The following SLC36A1 variants were observed in gnomAD, a reference collection of about 807,000 sequenced individuals.
The protein encoded by SLC36A1 is solute carrier family 36 member 1, also known as proton-coupled amino acid transporter 1.
Under a neutral mutation model 47.5 loss-of-function variants are expected in SLC36A1, and 30 were observed. The ratio of observed to expected loss-of-function variants is 0.63; its 90% CI spans 0.47 to 0.86. SLC36A1 has a LOEUF of 0.86. Ranked by LOEUF, SLC36A1 falls within the 40% of genes least tolerant of loss-of-function variation. The probability of loss-of-function intolerance (pLI) is 0.00; values close to 1 mark genes in which losing one functional copy is unlikely to be tolerated. For synonymous variants in SLC36A1, 255 were observed against 249.7 expected (o/e 1.02, Z -0.20); for missense variants, 517 against 606.0 (o/e 0.85, Z 1.54).
chr5:151,419,243 A>G, the SLC36A1 span, among the ~76,000 whole-genome samples: 2 of 152,200 alleles, frequency 1.3e-5, no homozygotes, highest in Non-Finnish European at 2.9e-5. Context: ...CCATATTTCG[A>G]TAACACCTTT....
the SLC36A1 span, among the ~76,000 whole-genome samples, chr5:151,358,931 G>A: frequency 7.6e-6 from 1 of 132,052 alleles, no homozygotes; most frequent in East Asian, 2.2e-4. Flanking sequence ...CCGAGATTGC[G>A]CCACTGCAGT....
At chr5:151,429,628 C>A in the SLC36A1 span, among the ~76,000 whole-genome samples, 1 of 151,958 alleles carries the variant, frequency 6.6e-6, no homozygotes, top group Non-Finnish European at 1.5e-5. Flanking sequence ...AAGGTTTGGG[C>A]TCAGGAATGG....
At chr5:151,451,342 C>A (rs776614371) in intron 1 of SLC36A1, among the ~76,000 whole-genome samples, 1 of 152,148 alleles carries the variant, frequency 6.6e-6, no homozygotes, top group Non-Finnish European at 1.5e-5. Context: ...TGTGAGCCAC[C>A]ATGCTTGGCC....
At chr5:151,555,666 G>A in the SLC36A1 span, among the ~76,000 whole-genome samples, 1 of 152,116 alleles carries the variant, frequency 6.6e-6, no homozygotes, top group Non-Finnish European at 1.5e-5. Context: ...CACCGTGCCT[G>A]GCTAATAACA....
At chr5:151,352,551 G>T in the SLC36A1 span, among the ~76,000 whole-genome samples, 1 of 140,516 alleles carries the variant, frequency 7.1e-6, no homozygotes, top group South Asian at 2.1e-4. Flanking sequence ...AGTTCTGAAG[G>T]CCAGAAGCCC....
At chr5:151,484,313 TG>T (rs1759226068) in intron 10 of SLC36A1, among the ~76,000 whole-genome samples, 1 of 152,182 alleles carries the variant, frequency 6.6e-6, no homozygotes, top group Admixed American at 6.5e-5. Context: ...TCAGCATTTG[TG>T]GAGATGCTTG....
At chr5:151,508,032 G>A in the SLC36A1 span, among the ~76,000 whole-genome samples, 11,026 of 152,218 alleles carry the variant, frequency 0.072, 542 homozygotes, top group African/African-American at 0.14. Flanking sequence ...TCACCAGGAG[G>A]TCACAGGAGC....
At chr5:151,362,259 T>C in the SLC36A1 span, among the ~76,000 whole-genome samples, 19 of 152,170 alleles carry the variant, frequency 1.2e-4, no homozygotes, top group Non-Finnish European at 4.4e-5. Flanking sequence ...TTTCTTTTTT[T>C]CCCCCTCTGT....
At chr5:151,507,532 G>T in the SLC36A1 span, 1 of 1,614,094 alleles carries the variant, frequency 6.2e-7, no homozygotes, top group South Asian at 1.1e-5. Flanking sequence ...AGTAACTCCT[G>T]CTGCCCCCAG....
At chr5:151,356,796 G>T in the SLC36A1 span, among the ~76,000 whole-genome samples, 42 of 152,268 alleles carry the variant, frequency 2.8e-4, no homozygotes, top group Non-Finnish European at 5.1e-4. Context: ...ACAACTGGGG[G>T]CAATTTTCTC....
rs936486159 is a variant in SLC36A1 at position 151,479,436 on chromosome 5, A to G, written c.1106A>G (p.His369Arg). 8 of 1,614,236 alleles carry G rather than the reference A, an allele frequency of 5.0e-6. No homozygotes were observed. Among genetic ancestry groups the G allele is most frequent in the Non-Finnish European group, 6.8e-6 (8 of 1,180,036 alleles). The change falls in exon 10 of 11, where the codon CAC becomes CGC. Residue 369 changes from histidine (H) to arginine (R), a missense_variant. His to Arg is a conservative substitution (Grantham distance 29). Transcript: ENST00000243389. ...TTCTTTGTGTCCCGAGCGCCCGAGCACTGTGAGTTAGTGGTGGACCTGTTT... is the reference window on the plus strand; with the variant it reads ...TTCTTTGTGTCCCGAGCGCCCGAGCGCTGTGAGTTAGTGGTGGACCTGTTT... ...IPFFVSRAPE[H>R]CELVVDLFVR... is the part of the protein sequence containing the mutation.
the SLC36A1 span, chr5:151,554,501 G>A: frequency 6.2e-7 from 1 of 1,614,230 alleles, no homozygotes. Context: ...ATCCAGGTCT[G>A]AAGCCACCAG....
At chr5:151,402,852 T>G in the SLC36A1 span, among the ~76,000 whole-genome samples, 1 of 152,098 alleles carries the variant, frequency 6.6e-6, no homozygotes, top group Non-Finnish European at 1.5e-5. Flanking sequence ...TGGTTGTAAT[T>G]TCACCTTTAT....
At chr5:151,543,067 G>A in the SLC36A1 span, 1 of 1,614,148 alleles carries the variant, frequency 6.2e-7, no homozygotes, top group South Asian at 1.1e-5. Context: ...TTTCGGTAAG[G>A]ATACTTTTTT....
At chr5:151,446,672 G>C (rs1752941897), upstream of SLC36A1, among the ~76,000 whole-genome samples, 1 of 152,160 alleles carries the variant, frequency 6.6e-6, no homozygotes, top group African/African-American at 2.4e-5. Context: ...TTTAAGGCTT[G>C]TTTTTTGGAC....
chr5:151,425,790 T>G, the SLC36A1 span, among the ~76,000 whole-genome samples: 2 of 152,224 alleles, frequency 1.3e-5, no homozygotes, highest in African/African-American at 4.8e-5. Context: ...GATACATAGT[T>G]TACCAGAATA....
At chr5:151,546,436 A>G in the SLC36A1 span, 1 of 840,942 alleles carries the variant, frequency 1.2e-6, no homozygotes, top group Non-Finnish European at 1.8e-6. Flanking sequence ...AAACCTGGAC[A>G]GAGCAAAATC....
At chr5:151,500,810 G>C in the SLC36A1 span, among the ~76,000 whole-genome samples, 2 of 152,242 alleles carry the variant, frequency 1.3e-5, no homozygotes, top group Admixed American at 1.3e-4. Flanking sequence ...CTGCAAGTCT[G>C]CCTGAGCCCC....
intron 10 of SLC36A1, among the ~76,000 whole-genome samples, chr5:151,483,583 A>C (rs186435670): frequency 6.6e-6 from 1 of 151,336 alleles, no homozygotes; most frequent in Non-Finnish European, 1.5e-5. Context: ...TGAGATATCT[A>C]CCTTGTTGAG....
Sources: allele counts gnomAD v4.1 joint callset (sites outside exome capture counted in the v4.1 genomes callset), GRCh38; gene constraint gnomAD v4.1.1; transcripts MANE v1.5; gene names NCBI Gene and HGNC (gene_info 2026-07-23, HGNC 2026-07-21).